MYOCD: variants seen among roughly 807,000 people sequenced by gnomAD.
MYOCD encodes the protein myocardin.
Under a neutral mutation model 96.1 loss-of-function variants are expected in MYOCD, and 32 were observed. The observed-to-expected ratio is 0.33, with a 90% CI of 0.25 to 0.45. The LOEUF (loss-of-function observed/expected upper bound fraction) is 0.45, where lower values mean the gene tolerates loss of function less well. MYOCD is among the 20% of genes least tolerant of loss of function. The probability of loss-of-function intolerance (pLI) is 1.00; values close to 1 mark genes in which losing one functional copy is unlikely to be tolerated. For synonymous variants in MYOCD, 469 were observed against 469.0 expected, an observed-to-expected ratio of 1.00 and a Z score of 0.00; for missense variants, 1,133 against 1,200.6, an observed-to-expected ratio of 0.94 and a Z score of 0.83.
intron 1 of MYOCD, among the ~76,000 whole-genome samples, chr17:12,692,628 G>A (rs1197844871): frequency 6.6e-6 from 1 of 152,132 alleles, no homozygotes; most frequent in African/African-American, 2.4e-5. Flanking sequence ...ACCAGCAGCG[G>A]GCATGTGGCA....
intron 7 of MYOCD, among the ~76,000 whole-genome samples, chr17:12,742,076 C>G (rs1395957304): frequency 6.6e-6 from 1 of 152,112 alleles, no homozygotes; most frequent in Non-Finnish European, 1.5e-5. Flanking sequence ...CAGCTCCCAT[C>G]CTCCCCAGAC....
intron 8 of MYOCD, among the ~76,000 whole-genome samples, chr17:12,744,711 T>A (rs1293913797): frequency 6.6e-6 from 1 of 152,196 alleles, no homozygotes; most frequent in Non-Finnish European, 1.5e-5. Flanking sequence ...ACTCTACATA[T>A]ACTGTATTTT....
chr17:12,746,024 C>G lies in MYOCD; in HGVS notation c.1077C>G (p.Val359=), dbSNP rs955890356. 6.2e-7 allele frequency: 1 copy of G among 1,614,076 alleles called. No individual in the cohort carries two copies. Among genetic ancestry groups the G allele is most frequent in the Admixed American group, 1.7e-5 (1 of 60,008 alleles). Residue 359 remains valine, a synonymous_variant, in exon 9 of 14, where the codon GTC becomes GTG. Transcript: ENST00000425538. ...ACAGTTTTTCTGGACAAACTGGTGT[C>G]TCTTCTTTCAAACCAGGCCCACTCC... ...VKNSFSGQTG[V]SSFKPGPLPP... is the part of the protein sequence containing the mutation.
chr17:12,692,569 T>A (rs950830804), intron 1 of MYOCD, among the ~76,000 whole-genome samples: 1 of 152,218 alleles, frequency 6.6e-6, no homozygotes, highest in Non-Finnish European at 1.5e-5. Flanking sequence ...GTTCCCAATG[T>A]CCTTGCCCCA....
intron 9 of MYOCD, among the ~76,000 whole-genome samples, chr17:12,751,179 G>A (rs533484349): frequency 4.6e-5 from 7 of 151,898 alleles, no homozygotes; most frequent in Admixed American, 1.3e-4. Context: ...AACGTAATAC[G>A]TTTATGTGGC....
At chr17:12,676,269 A>G (rs1345396398) in intron 1 of MYOCD, among the ~76,000 whole-genome samples, 1 of 118,006 alleles carries the variant, frequency 8.5e-6, no homozygotes, top group Non-Finnish European at 1.6e-5. Flanking sequence ...ACACACACAC[A>G]CACACACACA....
rs531051399 is a variant in MYOCD, at chr17:12,743,146, C to T, written c.718-1037C>T. On this transcript the variant is annotated intron_variant, in intron 7 of 13. Coordinates refer to ENST00000425538, the MANE Select transcript of MYOCD (RefSeq NM_001146312.3). ...TTGTCTTATCTTCCAAGACTATACCCTTAACTTCCTGATTCAGTGTGTCCA... is the reference window on the plus strand; with the variant it reads ...TTGTCTTATCTTCCAAGACTATACCTTTAACTTCCTGATTCAGTGTGTCCA... Among the ~76,000 whole-genome samples, 69 of 152,278 alleles carry T rather than the reference C, an allele frequency of 4.5e-4. No homozygotes were observed. In the East Asian group the frequency reaches 6.2e-3, roughly 14 times the overall value.
rs1365118836 is a variant in MYOCD, at chr17:12,767,889, A to AGACAAAAGG, written c.*4250_*4258dup. The AGACAAAAGG allele has an allele frequency of 6.6e-6, 1 of 152,234 alleles. No homozygotes were observed. Among genetic ancestry groups the AGACAAAAGG allele is most frequent in the Non-Finnish European group, 1.5e-5 (1 of 68,048 alleles). The allele number at this position is 152,234 out of a possible 1,614,324, so 9.4% of individuals were successfully genotyped here. On this transcript the variant is annotated 3_prime_UTR_variant, in exon 14 of 14. Coordinates refer to ENST00000425538, the MANE Select transcript of MYOCD (RefSeq NM_001146312.3). ...TCCCTACTTATCGTAGCAGCTCTAT[A>AGACAAAAGG]GACAAAAGGGACACTTACTGGTGAG...
chr17:12,669,808 C>T (rs759223022), intron 1 of MYOCD, among the ~76,000 whole-genome samples: 2 of 152,100 alleles, frequency 1.3e-5, no homozygotes, highest in Non-Finnish European at 2.9e-5. Flanking sequence ...TTAGTAGAGA[C>T]AGGGTTTCAC....
At chr17:12,696,002 C>G (rs931923900) in intron 1 of MYOCD, among the ~76,000 whole-genome samples, 1 of 152,092 alleles carries the variant, frequency 6.6e-6, no homozygotes, top group Non-Finnish European at 1.5e-5. Context: ...TCATCCATGT[C>G]GTAGCATGTC....
chr17:12,733,735 C>T (rs905074253), intron 5 of MYOCD, among the ~76,000 whole-genome samples: 5 of 152,010 alleles, frequency 3.3e-5, no homozygotes, highest in African/African-American at 4.8e-5. Context: ...GGCATGGTGG[C>T]GCATGCCTGT....
intron 10 of MYOCD, 23 bp from the exon 11 acceptor site, chr17:12,756,391 A>G (rs964133381): frequency 6.4e-7 from 1 of 1,552,012 alleles, no homozygotes; most frequent in Non-Finnish European, 8.7e-7. Flanking sequence ...TGGCCATGTA[A>G]TTTGTCACTT....
chr17:12,705,242 T>G, intron 2 of MYOCD, 49 bp downstream of exon 2: 1 of 1,403,228 alleles, frequency 7.1e-7, no homozygotes, highest in Non-Finnish European at 1.0e-6. Flanking sequence ...GCCACACCAT[T>G]TGGGAGCTGG....
chr17:12,668,244 C>G (rs1909481701), intron 1 of MYOCD, among the ~76,000 whole-genome samples: 2 of 152,162 alleles, frequency 1.3e-5, no homozygotes, highest in Non-Finnish European at 1.5e-5. Flanking sequence ...TTTCCCTTCT[C>G]TTTCATCATC....
rs2031613896 is a variant in MYOCD, at chr17:12,715,558, A to G, written c.161A>G (p.His54Arg). Reference protein sequence around the residue: ...RPAEFHEQRKHLDSDKAKNSL... With the variant: ...RPAEFHEQRKRLDSDKAKNSL... ...GCTGAATTCCATGAGCAAAGAAAAC[A>G]TTTGGATAGTGACAAGGTAATTTTT... The change falls in exon 3 of 14, where the codon CAT becomes CGT. Residue 54 changes from histidine (H) to arginine (R), a missense_variant. Physicochemically the swap from His to Arg is conservative, Grantham distance 29. Coordinates refer to ENST00000425538, the MANE Select transcript of MYOCD (RefSeq NM_001146312.3). 1.2e-6 allele frequency: 2 copies of G among 1,613,832 alleles called. No individual in the cohort carries two copies. The highest frequency in any genetic ancestry group is 1.7e-6 in the Non-Finnish European group (2 of 1,179,850).
In MYOCD at chr17:12,687,353, G is replaced by C. The variant is rs1026134608; in HGVS notation, c.56-17775G>C. Among the ~76,000 whole-genome samples, 3 of 152,228 alleles carry C rather than the reference G, an allele frequency of 2.0e-5. No homozygotes were observed. The South Asian group carries it at 6.2e-4, about 32-fold the overall frequency. On this transcript the variant is annotated intron_variant, in intron 1 of 13. Transcript: ENST00000425538. ...TGTGTTGCTAGAAAAAGACATGTGG[G>C]TTTACTCAGTAAAATCTGGGGAGTT...
chr17:12,676,742 C>T (rs893796601), intron 1 of MYOCD, among the ~76,000 whole-genome samples: 2 of 152,174 alleles, frequency 1.3e-5, no homozygotes, highest in African/African-American at 4.8e-5. Flanking sequence ...AAACCCACAA[C>T]TCTGCTATTA....
Position 12,722,855 on chromosome 17 carries a change from G to C in MYOCD, c.262G>C (p.Ala88Pro), listed in dbSNP as rs200707064. Residue 88 changes from alanine to proline, a missense_variant, in exon 5 of 14, where the codon GCA becomes CCA. Physicochemically the swap from Ala to Pro is conservative, Grantham distance 27. Transcript: ENST00000425538. ...TCATTTCAACCCTTTAGCTTCCACT[G>C]CAGAGAGGTCCATTCCAACTGCTCA... The part of the protein sequence containing the change: ...VNMHILQAST[A>P]ERSIPTAQMK... The C allele has an allele frequency of 1.3e-5, 21 of 1,612,490 alleles. No homozygotes were observed. The highest frequency in any genetic ancestry group is 1.7e-5 in the Non-Finnish European group (20 of 1,179,180).
chr17:12,732,277 A>C (rs2032197211), intron 5 of MYOCD, among the ~76,000 whole-genome samples: 1 of 152,070 alleles, frequency 6.6e-6, no homozygotes, highest in African/African-American at 2.4e-5. Context: ...GGCTGAAAGC[A>C]CTTCTTTGTC....
Sources: allele counts gnomAD v4.1 joint callset (sites outside exome capture counted in the v4.1 genomes callset), GRCh38; gene constraint gnomAD v4.1.1; transcripts MANE v1.5; gene names NCBI Gene and HGNC (gene_info 2026-07-23, HGNC 2026-07-21).